The following HM13 variants were observed in gnomAD, a reference collection of about 807,000 sequenced individuals.
HM13 encodes signal peptide peptidase.
Under a neutral mutation model 50.0 loss-of-function variants are expected in HM13, and 18 were observed. The ratio of observed to expected loss-of-function variants is 0.36; its 90% CI spans 0.25 to 0.53. HM13 has a LOEUF of 0.53. HM13 is among the 20% of genes least tolerant of loss of function. The pLI is 0.90. For missense variants in HM13, 393 were observed against 552.4 expected, an observed-to-expected ratio of 0.71 and a Z score of 2.89; for synonymous variants, 197 against 232.6, an observed-to-expected ratio of 0.85 and a Z score of 1.39.
chr20:31,549,029 A>C lies in HM13; in HGVS notation c.455A>C (p.Glu152Ala). ...GGACTTACCTGGCCTCTCTGCTCAG[A>C]GATCATCAATTATGAATTTGACACC... ...FTQGSGENKEEIINYEFDTKD... is the reference protein window; with the variant it reads ...FTQGSGENKEAIINYEFDTKD... Residue 152 changes from glutamate (E) to alanine (A), a missense_variant and splice_region_variant, in exon 5 of 13, where the codon GAG becomes GCG. By Grantham distance (107) the Glu-to-Ala change is moderately radical (BLOSUM62 -1). Transcript: ENST00000398174. The C allele has an allele frequency of 6.2e-7, 1 of 1,614,102 alleles. No homozygotes were observed. The highest frequency in any genetic ancestry group is 8.5e-7 in the Non-Finnish European group (1 of 1,179,982).
At chr20:31,547,408 C>G (rs1413830348) in intron 4 of HM13, 3 of 447,846 alleles carry the variant, frequency 6.7e-6, no homozygotes, top group Non-Finnish European at 1.2e-5. Context: ...GTCTGGCAGG[C>G]CGCGTGGCGC....
intron 3 of HM13, chr20:31,538,679 G>A: frequency 1.8e-6 from 2 of 1,094,676 alleles, no homozygotes; most frequent in Non-Finnish European, 2.2e-6. Flanking sequence ...AAAGTTAGGA[G>A]CGTGGGCTCT....
intron 7 of HM13, 129 bp from the exon 8 acceptor site, chr20:31,554,617 G>A (rs1260735118): frequency 3.0e-6 from 2 of 672,324 alleles, no homozygotes; most frequent in Non-Finnish European, 5.1e-6. Context: ...AGGAGATGGA[G>A]CTTGCAGTGA....
At chr20:31,555,477 C>T (rs1984259090) in intron 8 of HM13, among the ~76,000 whole-genome samples, 1 of 152,162 alleles carries the variant, frequency 6.6e-6, no homozygotes, top group South Asian at 2.1e-4. Context: ...ACATCCTGCG[C>T]AACCACAGCC....
At chr20:31,524,027 G>C (rs531198281) in intron 1 of HM13, among the ~76,000 whole-genome samples, 33 of 152,226 alleles carry the variant, frequency 2.2e-4, no homozygotes, top group Middle Eastern at 3.4e-3. Flanking sequence ...CCCAATACAG[G>C]CACAGTACTT....
intron 7 of HM13, among the ~76,000 whole-genome samples, chr20:31,552,462 A>G (rs907885596): frequency 7.9e-5 from 12 of 151,996 alleles, no homozygotes; most frequent in African/African-American, 2.9e-4. Context: ...CCACTGGAAG[A>G]CTCCGAGCAG....
chr20:31,529,055 C>T (rs987786666), intron 2 of HM13, among the ~76,000 whole-genome samples: 1 of 152,190 alleles, frequency 6.6e-6, no homozygotes, highest in Admixed American at 6.5e-5. Flanking sequence ...GCCTGGAGTG[C>T]ACTGGTGCAA....
intron 12 of HM13, among the ~76,000 whole-genome samples, chr20:31,568,443 C>A (rs1211498160): frequency 1.3e-5 from 2 of 152,250 alleles, no homozygotes; most frequent in African/African-American, 4.8e-5. Context: ...TAATGCGGGG[C>A]CCACATCATA....
intron 11 of HM13, chr20:31,567,745 G>A (rs1170022439): frequency 3.8e-6 from 1 of 261,440 alleles, no homozygotes; most frequent in African/African-American, 2.3e-5. Context: ...ACTGATGTGT[G>A]TATACTTTTT....
At position 31,527,531 on chromosome 20, in the gene HM13, C is replaced by T. The variant is rs1427794932; in HGVS notation, c.231C>T (p.Arg77=). ...CAATCACCAGCCGGGATGCCGCCCG[C>T]TTCCCCATCATCGCCAGCTGCACAC... The part of the protein sequence containing the change: ...PETITSRDAA[R]FPIIASCTLL... Residue 77 remains arginine, a synonymous_variant, in exon 2 of 13, where the codon CGC becomes CGT. Coordinates refer to ENST00000398174, the MANE Select transcript of HM13 (RefSeq NM_178581.3). The T allele has an allele frequency of 2.5e-6, 4 of 1,614,040 alleles. No homozygotes were observed. The highest frequency in any genetic ancestry group is 3.4e-6 in the Non-Finnish European group (4 of 1,180,022).
In HM13 at chr20:31,514,469, C is replaced by CTT. The variant is rs1981632479; in HGVS notation, c.-81_-80dup. 6 of 1,462,354 alleles carry CTT rather than the reference C, an allele frequency of 4.1e-6. No individual in the cohort carries two copies. In the South Asian group the frequency reaches 7.7e-5, roughly 19 times the overall value. 90.6% of individuals were successfully genotyped at this position (1,462,354 alleles called of 1,614,324 possible). A position where few individuals can be genotyped will look rare whatever the true frequency, so the allele number is the denominator to read the frequency against. On this transcript the variant is annotated 5_prime_UTR_variant, in exon 1 of 13. Transcript: ENST00000398174. The surrounding 1 kb of genome is among the most constrained non-coding windows in gnomAD (Gnocchi z 4.3). ...TTCCTGTTGCCTTAGGGGAACGTGGCTTTCCCTGCAGAGCCGGTGTCTCCG... is the reference window on the plus strand; with the variant it reads ...TTCCTGTTGCCTTAGGGGAACGTGGCTTTTTCCCTGCAGAGCCGGTGTCTCCG...
Position 31,569,503 on chromosome 20 carries a change from G to T in HM13, c.*284G>T. The stretch of plus-strand genomic sequence containing the variant: ...GTGTGATTTTTAGATTTTGTATTGT[G>T]GACTGATTTTGCCTCACATTAAAAA... On this transcript the variant is annotated 3_prime_UTR_variant, in exon 13 of 13. Transcript: ENST00000398174. 1 of 299,104 alleles carries T rather than the reference G, an allele frequency of 3.3e-6. No individual in the cohort carries two copies. Among genetic ancestry groups the T allele is most frequent in the Non-Finnish European group, 6.3e-6 (1 of 158,594 alleles). The allele number at this position is 299,104 out of a possible 1,614,324, so 18.5% of individuals were successfully genotyped here. A position where few individuals can be genotyped will look rare whatever the true frequency, so the allele number is the denominator to read the frequency against.
Position 31,569,149 on chromosome 20 carries a change from C to G in HM13, c.1211C>G (p.Ala404Gly), listed in dbSNP as rs1358425609. ...IYEESNPKDP[A>G]AVTESKEGTE... ...GAGGAGTCAAATCCTAAGGATCCAG[C>G]GGCAGTGACAGAATCCAAAGAGGGA... The change falls in exon 13 of 13, where the codon GCG becomes GGG. Residue 404 changes from alanine to glycine, a missense_variant. Transcript: ENST00000398174. 2.5e-6 allele frequency: 4 copies of G among 1,592,662 alleles called. No homozygotes were observed. In the African/African-American group the frequency reaches 5.4e-5, roughly 22 times the overall value.
intron 4 of HM13, among the ~76,000 whole-genome samples, chr20:31,545,752 A>G (rs886444535): frequency 1.3e-5 from 2 of 152,180 alleles, no homozygotes; most frequent in South Asian, 2.1e-4. Flanking sequence ...TTTGAGACAG[A>G]GTCTTGTTCT....
At chr20:31,559,342 C>G (rs6059980) in intron 8 of HM13, among the ~76,000 whole-genome samples, 41,646 of 152,120 alleles carry the variant, frequency 0.27, 8,603 homozygotes, top group African/African-American at 0.58. Flanking sequence ...ACTTGATAAG[C>G]ATTTGGGCAG....
At chr20:31,558,155 CTTTCTTTTTCTT>C (rs943075921) in intron 8 of HM13, among the ~76,000 whole-genome samples, 17 of 152,146 alleles carry the variant, frequency 1.1e-4, no homozygotes, top group Non-Finnish European at 2.2e-4. Flanking sequence ...CGGGATGTCT[CTTTCTTTTTCTT>C]TTTTCTTTTT....
chr20:31,531,727 C>T (rs1284356944), intron 2 of HM13, among the ~76,000 whole-genome samples: 1 of 152,080 alleles, frequency 6.6e-6, no homozygotes, highest in African/African-American at 2.4e-5. Context: ...CTGAGAAATG[C>T]TCTTTTTAAT....
chr20:31,553,892 T>TA (rs1195797928), intron 7 of HM13, among the ~76,000 whole-genome samples: 1 of 152,056 alleles, frequency 6.6e-6, no homozygotes, highest in Admixed American at 6.6e-5. Flanking sequence ...ATACCCCTGT[T>TA]ATAGTGAGAT....
chr20:31,547,708 T>G, intron 4 of HM13: 1 of 1,313,216 alleles, frequency 7.6e-7, no homozygotes, highest in Non-Finnish European at 1.1e-6. Flanking sequence ...TGGGGAATTA[T>G]TGTTTTTTAG....
Sources: allele counts gnomAD v4.1 joint callset (sites outside exome capture counted in the v4.1 genomes callset), GRCh38; gene constraint gnomAD v4.1.1; non-coding constraint Gnocchi (gnomAD v3.1); transcripts MANE v1.5; gene names NCBI Gene and HGNC (gene_info 2026-07-23, HGNC 2026-07-21).